Variants in EML6 observed in about 807,000 individuals in gnomAD.
EML6 encodes echinoderm microtubule-associated protein-like 6.
In EML6, 154 loss-of-function variants were observed where a neutral mutation model predicts 240.1. The ratio of observed to expected loss-of-function variants is 0.64; its 90% confidence interval spans 0.56 to 0.73. The LOEUF (loss-of-function observed/expected upper bound fraction) is 0.73. Ranked by LOEUF, EML6 falls within the 30% of genes least tolerant of loss-of-function variation. The pLI is 0.00. For synonymous variants in EML6, 1,148 were observed against 899.0 expected, an observed-to-expected ratio of 1.28 and a Z score of -4.95; for missense variants, 2,964 against 2,474.6, an observed-to-expected ratio of 1.20 and a Z score of -4.20.
At chr2:54,791,971 C>G (rs373874697) in intron 2 of EML6, among the ~76,000 whole-genome samples, 3 of 152,162 alleles carry the variant, frequency 2.0e-5, no homozygotes, top group East Asian at 3.8e-4. Context: ...CGATCTCTTT[C>G]AGGCTTATTG....
In EML6 at chr2:54,903,152, T is replaced by C; in HGVS notation, c.3233T>C (p.Phe1078Ser). 4.5e-6 allele frequency: 7 copies of C among 1,551,996 alleles called. No individual in the cohort carries two copies. The highest frequency in any genetic ancestry group is 1.4e-5 in the African/African-American group (1 of 73,168). ...GACACTGTTGAAGACATGGTCTCTT[T>C]CCATCACAGAAAAGAAATGATCTCT... is the stretch of plus-strand genomic sequence containing the variant. ...NADTVEDMVSFHHRKEMISDI... is the reference protein window; with the variant it reads ...NADTVEDMVSSHHRKEMISDI... Residue 1078 changes from phenylalanine to serine, a missense_variant, in exon 23 of 42, where the codon TTC becomes TCC. Transcript: ENST00000356458.
intron 32 of EML6, among the ~76,000 whole-genome samples, 181 bp from the exon 33 acceptor site, chr2:54,957,609 C>G (rs1303993667): frequency 6.6e-6 from 1 of 152,222 alleles, no homozygotes; most frequent in Non-Finnish European, 1.5e-5. Context: ...GCTCTGGAAA[C>G]TTGCCAGACA....
intron 28 of EML6, among the ~76,000 whole-genome samples, chr2:54,936,139 T>C (rs151273071): frequency 5.9e-5 from 9 of 152,334 alleles, no homozygotes; most frequent in African/African-American, 2.2e-4. Flanking sequence ...ACGGAAATAT[T>C]TAGTGCCAAT....
At chr2:54,938,256 G>C (rs1010030573) in intron 28 of EML6, among the ~76,000 whole-genome samples, 1 of 152,132 alleles carries the variant, frequency 6.6e-6, no homozygotes, top group South Asian at 2.1e-4. Flanking sequence ...TGAGGGAGGA[G>C]AATTACTTGA....
intron 2 of EML6, among the ~76,000 whole-genome samples, chr2:54,767,195 A>T (rs1668218565): frequency 1.3e-5 from 2 of 152,196 alleles, no homozygotes; most frequent in South Asian, 4.1e-4. Context: ...TGTTACAGCA[A>T]AGTATTAACT....
At chr2:54,942,845 A>C (rs1675496472) in intron 28 of EML6, among the ~76,000 whole-genome samples, 1 of 152,110 alleles carries the variant, frequency 6.6e-6, no homozygotes, top group African/African-American at 2.4e-5. Context: ...CAAGACAAAT[A>C]AGTGCCTAGA....
At chr2:54,848,988 G>A (rs1187317004) in intron 9 of EML6, among the ~76,000 whole-genome samples, 1 of 152,104 alleles carries the variant, frequency 6.6e-6, no homozygotes, top group Non-Finnish European at 1.5e-5. Context: ...TAAAAAAGAT[G>A]ATTTATTTAT....
At chr2:54,895,055 C>T in intron 20 of EML6, 29 bp downstream of exon 20, 1 of 1,479,818 alleles carries the variant, frequency 6.8e-7, no homozygotes, top group Non-Finnish European at 9.2e-7. Flanking sequence ...TAATAGAGAT[C>T]TTTGTATTCA....
chr2:54,785,160 C>G (rs1015554901), intron 2 of EML6, among the ~76,000 whole-genome samples: 8 of 146,326 alleles, frequency 5.5e-5, no homozygotes, highest in Admixed American at 4.3e-4. Context: ...TCCACCCCCC[C>G]ACACACACAC....
At chr2:54,816,914 G>T (rs370983931) in intron 4 of EML6, 29 bp downstream of exon 4, 140 of 1,453,610 alleles carry the variant, frequency 9.6e-5, no homozygotes, top group Non-Finnish European at 1.3e-4. Context: ...AAGCTATGCA[G>T]ATTTCAGAAC....
At chr2:54,793,731 G>A (rs959676321) in intron 2 of EML6, among the ~76,000 whole-genome samples, 2 of 152,160 alleles carry the variant, frequency 1.3e-5, no homozygotes, top group African/African-American at 4.8e-5. Flanking sequence ...CTACATAAGT[G>A]TTGTGGACTT....
chr2:54,877,843 G>A (rs1193367871), intron 16 of EML6, among the ~76,000 whole-genome samples: 1 of 152,202 alleles, frequency 6.6e-6, no homozygotes, highest in South Asian at 2.1e-4. Context: ...ATGGAGGGTT[G>A]GAGAGGATTT....
At position 54,960,280 on chromosome 2, in the gene EML6, T is replaced by C; in HGVS notation, c.4914T>C (p.Phe1638=). 1 of 1,551,544 alleles carries C rather than the reference T, an allele frequency of 6.4e-7. No homozygotes were observed. The change falls in exon 35 of 42, where the codon TTT becomes TTC. Residue 1638 remains phenylalanine, a synonymous_variant. Transcript: ENST00000356458. ...AGGAGATGAAGCGCTGCCGGGCCTTTCAGCTGGAGACCGGGCAGCTGGTGG... is the reference window on the plus strand; with the variant it reads ...AGGAGATGAAGCGCTGCCGGGCCTTCCAGCTGGAGACCGGGCAGCTGGTGG... ...WDQEMKRCRA[F]QLETGQLVEC...
chr2:54,916,694 C>A, intron 25 of EML6, 65 bp from the exon 26 acceptor site: 3 of 1,316,090 alleles, frequency 2.3e-6, no homozygotes, highest in Non-Finnish European at 3.1e-6. Context: ...CAGGTGCAAA[C>A]TGTTTCTTTT....
In EML6 at chr2:54,725,210, G is replaced by A. The variant is rs770072165; in HGVS notation, c.149G>A (p.Arg50His). 1.3e-6 allele frequency: 2 copies of A among 1,501,656 alleles called. No homozygotes were observed. The highest frequency in any genetic ancestry group is 2.2e-5 in the Admixed American group (1 of 45,580). The allele number at this position is 1,501,656 out of a possible 1,614,324, so 93.0% of individuals were successfully genotyped here. A position where few individuals can be genotyped will look rare whatever the true frequency, so the allele number is the denominator to read the frequency against. The change falls in exon 2 of 42, where the codon CGC (arginine) becomes CAC (histidine). Residue 50 changes from arginine to histidine, a missense_variant. Arg to His is a conservative substitution (Grantham distance 29). Coordinates refer to ENST00000356458, the MANE Select transcript of EML6 (RefSeq NM_001039753.4). The surrounding 1 kb of genome is among the most constrained non-coding windows in gnomAD (Gnocchi z 4.3). ...GGGGTCGGGGTGGTTTACAACACCC[G>A]CGAGCACAGCCAAAAATTCTTCCTG... The part of the protein sequence containing the change: ...VAGVGVVYNT[R>H]EHSQKFFLGH...
intron 17 of EML6, among the ~76,000 whole-genome samples, chr2:54,889,833 T>C (rs551479645): frequency 2.0e-5 from 3 of 152,374 alleles, no homozygotes; most frequent in South Asian, 2.1e-4. Flanking sequence ...ATCCTGACTC[T>C]ATTGGGAATG....
chr2:54,877,112 A>G (rs528950808), intron 16 of EML6, among the ~76,000 whole-genome samples: 2 of 151,942 alleles, frequency 1.3e-5, no homozygotes, highest in South Asian at 2.1e-4. Context: ...CCTCCCAAGT[A>G]TCTGGGACTA....
At chr2:54,968,307 C>T (rs1558736493) in intron 40 of EML6, 26 bp downstream of exon 40, 3 of 1,550,554 alleles carry the variant, frequency 1.9e-6, no homozygotes, top group Non-Finnish European at 1.7e-6. Flanking sequence ...AGTAACCTCC[C>T]TGCAGGTTCT....
intron 28 of EML6, among the ~76,000 whole-genome samples, chr2:54,944,474 AG>A (rs556720174): frequency 3.9e-4 from 60 of 152,248 alleles, no homozygotes; most frequent in Middle Eastern, 3.4e-3. Context: ...GCTCCAGTCA[AG>A]TGCTTCATCA....
Sources: allele counts gnomAD v4.1 joint callset (sites outside exome capture counted in the v4.1 genomes callset), GRCh38; gene constraint gnomAD v4.1.1; non-coding constraint Gnocchi (gnomAD v3.1); transcripts MANE v1.5; gene names NCBI Gene and HGNC (gene_info 2026-07-23, HGNC 2026-07-21).